The following MCM10 variants were observed in gnomAD, a reference collection of about 807,000 sequenced individuals.
The protein encoded by MCM10 is protein MCM10 homolog.
MCM10 carries 91 observed loss-of-function variants against 109.9 expected under a neutral mutation model. The ratio of observed to expected loss-of-function variants is 0.83; its 90% CI spans 0.70 to 0.99. The LOEUF is 0.99. MCM10 is among the 50% of genes least tolerant of loss of function. The probability of loss-of-function intolerance (pLI) is 0.00; values close to 1 mark genes in which losing one functional copy is unlikely to be tolerated. For missense variants in MCM10, 1,077 were observed against 1,061.2 expected (o/e 1.01, Z -0.21); for synonymous variants, 380 against 387.2 (o/e 0.98, Z 0.22).
intron 11 of MCM10, among the ~76,000 whole-genome samples, 164 bp downstream of exon 11, chr10:13,191,563 TAAGCAAGCAAGC>T (rs35273956): frequency 1.3e-5 from 2 of 151,242 alleles, no homozygotes; most frequent in East Asian, 2.0e-4. Context: ...AATAAATAAA[TAAGCAAGCAAGC>T]AAGCAAGCAA....
At chr10:13,165,801 G>A (rs777954676) in intron 2 of MCM10, among the ~76,000 whole-genome samples, 57 of 150,376 alleles carry the variant, frequency 3.8e-4, no homozygotes, top group Non-Finnish European at 7.1e-4. Flanking sequence ...CTTGAATCTG[G>A]GAGGCAGAGG....
chr10:13,181,865 C>A (rs1278022103), intron 7 of MCM10, among the ~76,000 whole-genome samples: 1 of 152,104 alleles, frequency 6.6e-6, no homozygotes, highest in Non-Finnish European at 1.5e-5. Context: ...CTGCACAAAT[C>A]CCTGGAAGAT....
intron 6 of MCM10, among the ~76,000 whole-genome samples, chr10:13,178,767 G>C (rs141227753): frequency 4.7e-4 from 72 of 152,318 alleles, no homozygotes; most frequent in African/African-American, 1.6e-3. Context: ...CTTTGATGGA[G>C]ATTGCATTGA....
intron 14 of MCM10, among the ~76,000 whole-genome samples, chr10:13,197,212 G>A (rs1417047107): frequency 2.0e-5 from 3 of 152,152 alleles, no homozygotes; most frequent in East Asian, 3.9e-4. Context: ...GAGCTACCAT[G>A]CCAAGCCCCA....
chr10:13,170,305 A>G (rs1834052892), intron 2 of MCM10, among the ~76,000 whole-genome samples: 1 of 152,204 alleles, frequency 6.6e-6, no homozygotes, highest in Admixed American at 6.5e-5. Flanking sequence ...CAAACAACAA[A>G]ATGTTAATGA....
chr10:13,170,154 G>T (rs1397446281), intron 2 of MCM10, among the ~76,000 whole-genome samples: 1 of 152,164 alleles, frequency 6.6e-6, no homozygotes, highest in South Asian at 2.1e-4. Flanking sequence ...TTATGTAAAA[G>T]CATAAGAATG....
intron 16 of MCM10, among the ~76,000 whole-genome samples, chr10:13,200,446 T>C (rs1294232162): frequency 2.0e-5 from 3 of 152,236 alleles, no homozygotes; most frequent in African/African-American, 7.2e-5. Flanking sequence ...CCCCATTCAG[T>C]ATCACTACTC....
In MCM10 at chr10:13,164,189, G is replaced by A; in HGVS notation, c.-14G>A. On this transcript the variant is annotated 5_prime_UTR_variant, in exon 2 of 20. Coordinates refer to ENST00000378714, the MANE Select transcript of MCM10 (RefSeq NM_018518.5). ...TCCTTCGAAGTTTCCTGTCACAACT[G>A]TCCTCTTGACAGCATGGATGGTAAG... 6.3e-7 allele frequency: 1 copy of A among 1,591,128 alleles called. No individual in the cohort carries two copies. Among genetic ancestry groups the A allele is most frequent in the Admixed American group, 1.9e-5 (1 of 53,526 alleles).
intron 18 of MCM10, among the ~76,000 whole-genome samples, chr10:13,207,525 C>T (rs187156367): frequency 3.5e-4 from 54 of 152,284 alleles, no homozygotes; most frequent in African/African-American, 1.3e-3. Context: ...TGTGTCCCCA[C>T]CCAGATCTCA....
At chr10:13,164,644 A>T (rs756466074) in intron 2 of MCM10, among the ~76,000 whole-genome samples, 5 of 152,252 alleles carry the variant, frequency 3.3e-5, no homozygotes, top group Non-Finnish European at 7.3e-5. Context: ...AAGCGATATT[A>T]GTCTAGCTCT....
rs1464620594 is a variant in MCM10, at chr10:13,211,046, T to G, written c.*1736T>G. ...ATGCTTGTAAAGGCTGAGGGTGAGCTGTATCTGGATGCCTTTTTACAATTT... is the reference window on the plus strand; with the variant it reads ...ATGCTTGTAAAGGCTGAGGGTGAGCGGTATCTGGATGCCTTTTTACAATTT... On this transcript the variant is annotated 3_prime_UTR_variant, in exon 20 of 20. Coordinates refer to ENST00000378714, the MANE Select transcript of MCM10 (RefSeq NM_018518.5). 1 of 152,194 alleles carries G rather than the reference T, an allele frequency of 6.6e-6. No homozygotes were observed. The highest frequency in any genetic ancestry group is 1.5e-5 in the Non-Finnish European group (1 of 68,030). The allele number at this position is 152,194 out of a possible 1,614,324, so 9.4% of individuals were successfully genotyped here. A position where few individuals can be genotyped will look rare whatever the true frequency, so the allele number is the denominator to read the frequency against.
At chr10:13,197,883 G>T in intron 15 of MCM10, 116 bp downstream of exon 15, 1 of 1,006,916 alleles carries the variant, frequency 9.9e-7, no homozygotes, top group Non-Finnish European at 1.4e-6. Context: ...CTCCTATATA[G>T]AATACCTAAA....
intron 18 of MCM10, among the ~76,000 whole-genome samples, chr10:13,206,067 T>G (rs945487440): frequency 6.6e-6 from 1 of 152,224 alleles, no homozygotes; most frequent in Non-Finnish European, 1.5e-5. Flanking sequence ...CGCACCATCC[T>G]CTGCCATTCT....
At chr10:13,204,179 C>T in intron 17 of MCM10, 40 bp from the exon 18 acceptor site, 1 of 1,600,966 alleles carries the variant, frequency 6.2e-7, no homozygotes, top group South Asian at 1.1e-5. Context: ...TCCTCAAAGG[C>T]TCTTCACCGG....
rs1355199619 is a variant in MCM10 at position 13,170,980 on chromosome 10, G to A, written c.66G>A (p.Leu22=). The change falls in exon 3 of 20, where the codon TTG becomes TTA. Residue 22 remains leucine (L), a synonymous_variant. Coordinates refer to ENST00000378714, the MANE Select transcript of MCM10 (RefSeq NM_018518.5). ...TGCTGGAAGAAAATGAGTCAGCCTT[G>A]GATTGTAATTCAGAAGAAAATAACT... The part of the protein sequence containing the change: ...TALLEENESA[L]DCNSEENNFL... 1.2e-6 allele frequency: 2 copies of A among 1,614,222 alleles called. No individual in the cohort carries two copies. Among genetic ancestry groups the A allele is most frequent in the Non-Finnish European group, 1.7e-6 (2 of 1,180,042 alleles).
At chr10:13,165,874 T>TAAA (rs1217297940) in intron 2 of MCM10, among the ~76,000 whole-genome samples, 1 of 58,002 alleles carries the variant, frequency 1.7e-5, no homozygotes, top group African/African-American at 8.3e-5. Context: ...AGACTCCATC[T>TAAA]GAAAAAAAAA....
rs899372979 is a variant in MCM10 at position 13,176,591 on chromosome 10, A to G, written c.764+910A>G. ...TAGCAGAGGAGAACAAGTGTTGCCAACATACAATAAAAGTGTATTATAAGG... is the reference window on the plus strand; with the variant it reads ...TAGCAGAGGAGAACAAGTGTTGCCAGCATACAATAAAAGTGTATTATAAGG... On this transcript the variant is annotated intron_variant, in intron 6 of 19. Coordinates refer to ENST00000378714, the MANE Select transcript of MCM10 (RefSeq NM_018518.5). Among the ~76,000 whole-genome samples, 10 of 152,342 alleles carry G rather than the reference A, an allele frequency of 6.6e-5. No individual in the cohort carries two copies. In the East Asian group the frequency reaches 1.7e-3, roughly 26 times the overall value.
chr10:13,208,090 T>A (rs11258250), intron 18 of MCM10, among the ~76,000 whole-genome samples: 3,308 of 152,186 alleles, frequency 0.022, 61 homozygotes, highest in Non-Finnish European at 0.026. Flanking sequence ...TTTTAAAAAC[T>A]AGAGCAAGAA....
chr10:13,180,620 A>G lies in MCM10; in HGVS notation c.930+13A>G, dbSNP rs1440771379. On this transcript the variant is annotated intron_variant, in intron 7 of 19. Coordinates refer to ENST00000378714, the MANE Select transcript of MCM10 (RefSeq NM_018518.5). ...GAGTGTGAATAGTGTAAGCCATTGT[A>G]TTGGTTTCTTAGCTGTTTTACTACA... 2 of 1,613,144 alleles carry G rather than the reference A, an allele frequency of 1.2e-6. No individual in the cohort carries two copies. The highest frequency in any genetic ancestry group is 2.2e-5 in the South Asian group (2 of 90,834).
Sources: gnomAD v4.1 joint callset for allele counts (sites outside exome capture counted in the v4.1 genomes callset) on GRCh38, gnomAD v4.1.1 for gene constraint, MANE v1.5 for transcripts, NCBI Gene and HGNC (gene_info 2026-07-23, HGNC 2026-07-21) for gene names.